Variants in FRMD3 observed in about 807,000 individuals in gnomAD.
The protein encoded by FRMD3 is FERM domain-containing protein 3.
Under a neutral mutation model 70.2 loss-of-function variants are expected in FRMD3, and 33 were observed. That is an observed-to-expected ratio of 0.47 (90% CI 0.36 to 0.63). The LOEUF is 0.63. Among genes scored for constraint, FRMD3 ranks in the 20% least tolerant of loss-of-function variants. The pLI is 0.00. For missense variants in FRMD3, 632 were observed against 711.4 expected, an observed-to-expected ratio of 0.89 and a Z score of 1.27; for synonymous variants, 279 against 255.9, an observed-to-expected ratio of 1.09 and a Z score of -0.86.
chr9:83,272,864 C>T (rs1207979421), intron 13 of FRMD3, among the ~76,000 whole-genome samples: 2 of 150,798 alleles, frequency 1.3e-5, no homozygotes, highest in Non-Finnish European at 3.0e-5. Context: ...CGTCTCTGCC[C>T]GGCCACCCCG....
chr9:83,463,328 G>A (rs1828029308), intron 1 of FRMD3, among the ~76,000 whole-genome samples: 1 of 152,112 alleles, frequency 6.6e-6, no homozygotes, highest in Admixed American at 6.6e-5. Flanking sequence ...TGTGAGACTG[G>A]GTAATTTATA....
chr9:83,378,797 TTA>T (rs1491250626), intron 2 of FRMD3, among the ~76,000 whole-genome samples: 3,349 of 74,836 alleles, frequency 0.045, 217 homozygotes, highest in African/African-American at 0.15. Context: ...TATGTATAAT[TTA>T]TATATATACT....
the FRMD3 span, among the ~76,000 whole-genome samples, chr9:83,560,986 T>A: frequency 1.3e-5 from 2 of 152,224 alleles, no homozygotes; most frequent in Non-Finnish European, 2.9e-5. Flanking sequence ...CCACTATATT[T>A]TGAATGTCTC....
intron 13 of FRMD3, among the ~76,000 whole-genome samples, chr9:83,249,242 A>G (rs1832286655): frequency 6.6e-6 from 1 of 152,134 alleles, no homozygotes; most frequent in Admixed American, 6.5e-5. Context: ...GTTTTAGTTC[A>G]TTTGCTATAG....
chr9:83,361,855 G>A (rs1470957406), intron 3 of FRMD3, among the ~76,000 whole-genome samples: 3 of 152,150 alleles, frequency 2.0e-5, no homozygotes, highest in Non-Finnish European at 2.9e-5. Flanking sequence ...GCAGCTACAA[G>A]CCAAGGAAGG....
At chr9:83,388,586 T>C (rs1191777234) in intron 2 of FRMD3, among the ~76,000 whole-genome samples, 1 of 152,166 alleles carries the variant, frequency 6.6e-6, no homozygotes, top group Non-Finnish European at 1.5e-5. Flanking sequence ...TTCTGGCATA[T>C]GCTACACTGA....
At chr9:83,310,961 A>T (rs1449182611) in intron 8 of FRMD3, among the ~76,000 whole-genome samples, 1 of 152,212 alleles carries the variant, frequency 6.6e-6, no homozygotes, top group Non-Finnish European at 1.5e-5. Flanking sequence ...ATTTCCAAGA[A>T]GCAAATCCAC....
intron 1 of FRMD3, among the ~76,000 whole-genome samples, chr9:83,509,337 A>T (rs1271676326): frequency 1.3e-5 from 2 of 152,204 alleles, no homozygotes; most frequent in African/African-American, 4.8e-5. Flanking sequence ...TTAGGTTTAA[A>T]TTCAAACGAG....
chr9:83,469,160 T>C (rs1046816744), intron 1 of FRMD3, among the ~76,000 whole-genome samples: 7 of 152,198 alleles, frequency 4.6e-5, no homozygotes, highest in Non-Finnish European at 1.0e-4. Context: ...GGATGAAGAC[T>C]TACACTGGCT....
chr9:83,313,626 C>G, intron 7 of FRMD3, 34 bp downstream of exon 7: 1 of 1,532,668 alleles, frequency 6.5e-7, no homozygotes, highest in South Asian at 1.1e-5. Context: ...GCAAAACAAC[C>G]ATTATATGGT....
chr9:83,420,697 G>T (rs1342825384), intron 1 of FRMD3, among the ~76,000 whole-genome samples: 1 of 152,146 alleles, frequency 6.6e-6, no homozygotes, highest in Non-Finnish European at 1.5e-5. Flanking sequence ...CATGGGGATA[G>T]ATCCCTTGTA....
At chr9:83,584,576 T>C in the FRMD3 span, among the ~76,000 whole-genome samples, 2 of 152,310 alleles carry the variant, frequency 1.3e-5, no homozygotes, top group Admixed American at 1.3e-4. Context: ...TCTTCTTCCA[T>C]AAAGAACTTT....
intron 3 of FRMD3, among the ~76,000 whole-genome samples, chr9:83,365,390 A>C (rs1489125070): frequency 6.6e-6 from 1 of 152,156 alleles, no homozygotes; most frequent in Non-Finnish European, 1.5e-5. Context: ...ATTTATTTAT[A>C]AGACATTTAT....
chr9:83,482,525 T>G (rs1423495243), intron 1 of FRMD3, among the ~76,000 whole-genome samples: 2 of 152,208 alleles, frequency 1.3e-5, no homozygotes, highest in Non-Finnish European at 2.9e-5. Context: ...GTTTAGGGGA[T>G]GGAGACAGGT....
At chr9:83,404,057 T>A (rs1454292835) in intron 1 of FRMD3, among the ~76,000 whole-genome samples, 1 of 125,742 alleles carries the variant, frequency 8.0e-6, no homozygotes. Context: ...TGGGAATTCC[T>A]GCATACACAC....
chr9:83,496,492 T>G (rs1156449998), intron 1 of FRMD3, among the ~76,000 whole-genome samples: 1 of 152,160 alleles, frequency 6.6e-6, no homozygotes, highest in Non-Finnish European at 1.5e-5. Flanking sequence ...CCAAGGAGCA[T>G]TTGCTAAAAT....
the FRMD3 span, among the ~76,000 whole-genome samples, chr9:83,578,297 G>T: frequency 6.6e-6 from 1 of 151,834 alleles, no homozygotes; most frequent in South Asian, 2.1e-4. Context: ...CTATAAAATT[G>T]AACTGGAGGG....
chr9:83,370,600 C>T (rs1053441855), intron 3 of FRMD3, among the ~76,000 whole-genome samples: 1 of 152,166 alleles, frequency 6.6e-6, no homozygotes, highest in Admixed American at 6.5e-5. Context: ...CCAATCTTTA[C>T]ACCATTCTAA....
intron 1 of FRMD3, among the ~76,000 whole-genome samples, chr9:83,504,089 G>C (rs1829131274): frequency 6.6e-6 from 1 of 152,192 alleles, no homozygotes; most frequent in Non-Finnish European, 1.5e-5. Context: ...TGGCCTTCGG[G>C]TTTGTACTGC....
Sources: allele counts gnomAD v4.1 joint callset (sites outside exome capture counted in the v4.1 genomes callset), GRCh38; gene constraint gnomAD v4.1.1; transcripts MANE v1.5; gene names NCBI Gene and HGNC (gene_info 2026-07-23, HGNC 2026-07-21).